The following ANK2 variants were observed in gnomAD, a reference collection of about 807,000 sequenced individuals.
ANK2 encodes the protein ankyrin-2.
In ANK2, 83 loss-of-function variants were observed where a neutral mutation model predicts 360.5. The observed-to-expected ratio is 0.23, with a 90% CI of 0.19 to 0.28. The LOEUF is 0.28. ANK2 is among the 10% of genes least tolerant of loss of function. ANK2 has a pLI of 1.00. For synonymous variants in ANK2, 1,740 were observed against 1,759.5 expected, an observed-to-expected ratio of 0.99 and a Z score of 0.28; for missense variants, 4,201 against 4,795.7, an observed-to-expected ratio of 0.88 and a Z score of 3.66.
rs192804921 is a variant in ANK2, at chr4:113,014,892, T to G, written c.21+110378T>G. Among the ~76,000 whole-genome samples, 1,334 of 136,456 alleles carry G rather than the reference T, an allele frequency of 9.8e-3. 12 individuals are homozygous for G. The highest frequency in any genetic ancestry group is 0.016 in the Non-Finnish European group (1,022 of 65,594). 89.5% of individuals were successfully genotyped at this position (136,456 alleles called of 152,430 possible). ...TTTTTTTTTTGAGACGGAGTCTCGC[T>G]CTGTCACCCAGGCTGGAGTGCAGTG... On this transcript the variant is annotated intron_variant, in intron 2 of 30. Coordinates refer to the ANK2 transcript ENST00000503271.
intron 1 of ANK2, among the ~76,000 whole-genome samples, chr4:113,097,674 T>A (rs577654848): frequency 6.6e-6 from 1 of 152,028 alleles, no homozygotes; most frequent in East Asian, 1.9e-4. Flanking sequence ...TTAGACATAA[T>A]CAAGAGAAAT....
At chr4:113,047,270 T>A (rs760471081), upstream of ANK2, among the ~76,000 whole-genome samples, 6 of 152,230 alleles carry the variant, frequency 3.9e-5, no homozygotes, top group Non-Finnish European at 8.8e-5. Context: ...GTAACATGTG[T>A]CTCTCATCAC....
intron 1 of ANK2, among the ~76,000 whole-genome samples, chr4:112,829,168 TG>T (rs1451990837): frequency 2.0e-5 from 3 of 151,954 alleles, no homozygotes; most frequent in Non-Finnish European, 4.4e-5. Flanking sequence ...TATAAATGAA[TG>T]AGTGAATGAA....
chr4:113,005,513 A>C (rs1223928403), intron 2 of ANK2, among the ~76,000 whole-genome samples: 21 of 152,170 alleles, frequency 1.4e-4, no homozygotes, highest in Admixed American at 1.4e-3. Flanking sequence ...GTCCTCACTC[A>C]TATGTACGAG....
intron 30 of ANK2, 121 bp downstream of exon 30, chr4:113,336,178 T>C (rs1189470795): frequency 1.9e-5 from 20 of 1,049,730 alleles, no homozygotes; most frequent in East Asian, 2.6e-5. Flanking sequence ...GTAGCATTAA[T>C]GGTAAAGCTA....
At chr4:113,331,823 C>G in intron 27 of ANK2, 149 bp from the exon 28 acceptor site, 1 of 798,400 alleles carries the variant, frequency 1.3e-6, no homozygotes, top group African/African-American at 1.7e-5. Context: ...GTTCCTTGCT[C>G]TTTGTGACCA....
intron 1 of ANK2, among the ~76,000 whole-genome samples, chr4:113,069,300 C>G (rs2076717727): frequency 1.3e-5 from 2 of 152,114 alleles, no homozygotes; most frequent in Admixed American, 1.3e-4. Flanking sequence ...GCTTTGCCAC[C>G]TGGAGAGTAG....
At chr4:112,880,915 C>T (rs963646180) in intron 1 of ANK2, 5 of 152,116 alleles carry the variant, frequency 3.3e-5, no homozygotes, top group African/African-American at 9.7e-5. Flanking sequence ...CCCTCAATTG[C>T]TTGTTTCTTG....
chr4:113,141,429 A>C (rs1026690009), intron 1 of ANK2: 2 of 152,208 alleles, frequency 1.3e-5, no homozygotes, highest in African/African-American at 4.8e-5. Context: ...TGTGTGTTCA[A>C]ATGTTACATA....
At chr4:113,287,763 C>G in intron 19 of ANK2, 60 bp downstream of exon 19, 1 of 1,421,982 alleles carries the variant, frequency 7.0e-7, no homozygotes, top group Non-Finnish European at 9.9e-7. Flanking sequence ...CCCAGTAGCC[C>G]CCATTCGGGT....
chr4:113,271,690 C>T (rs1388647209), intron 14 of ANK2, among the ~76,000 whole-genome samples: 2 of 152,170 alleles, frequency 1.3e-5, no homozygotes, highest in African/African-American at 2.4e-5. Flanking sequence ...TATGTTTTGC[C>T]TATTCACAAT....
rs149931882 is a variant in ANK2, at chr4:112,899,977, T to G, written c.-39-4478T>G. Among the ~76,000 whole-genome samples, 14 of 152,314 alleles carry G rather than the reference T, an allele frequency of 9.2e-5. No individual in the cohort carries two copies. In the East Asian group the frequency reaches 2.3e-3, roughly 25 times the overall value. Reference sequence around the variant, plus strand: ...CTCCATATAGACCAAAATTTTGGTGTTGTTTTTGTATTACTGGCCACATTT... The same window carrying G: ...CTCCATATAGACCAAAATTTTGGTGGTGTTTTTGTATTACTGGCCACATTT... On this transcript the variant is annotated intron_variant, in intron 1 of 30. Transcript: ENST00000503271.
At chr4:112,811,712 T>C in the ANK2 span, among the ~76,000 whole-genome samples, 18 of 152,322 alleles carry the variant, frequency 1.2e-4, no homozygotes, top group South Asian at 3.7e-3. Context: ...TGGTGATTTT[T>C]CCAATTGTTA....
At chr4:112,997,388 T>C (rs6818050) in intron 2 of ANK2, among the ~76,000 whole-genome samples, 50,874 of 151,918 alleles carry the variant, frequency 0.33, 8,953 homozygotes, top group African/African-American at 0.45. Context: ...GTGATCCCTC[T>C]TATTTATATT....
intron 2 of ANK2, among the ~76,000 whole-genome samples, chr4:113,180,653 G>T (rs770294844): frequency 6.6e-6 from 1 of 152,054 alleles, no homozygotes; most frequent in African/African-American, 2.4e-5. Flanking sequence ...GGGTTCATCT[G>T]GTTTAGACTT....
chr4:112,706,016 G>GA, the ANK2 span, among the ~76,000 whole-genome samples: 1 of 151,360 alleles, frequency 6.6e-6, no homozygotes, highest in Non-Finnish European at 1.5e-5. Flanking sequence ...AGGAGCCGGG[G>GA]CGGGTCCGCG....
At chr4:113,146,542 G>A (rs2096843441) in intron 1 of ANK2, among the ~76,000 whole-genome samples, 1 of 151,842 alleles carries the variant, frequency 6.6e-6, no homozygotes, top group South Asian at 2.1e-4. Flanking sequence ...TTGTAAAAAG[G>A]CTTAAACGTT....
chr4:113,079,563 C>T (rs1241240009), intron 1 of ANK2, among the ~76,000 whole-genome samples: 1 of 152,178 alleles, frequency 6.6e-6, no homozygotes, highest in Non-Finnish European at 1.5e-5. Flanking sequence ...TTTCTTACTG[C>T]TCGTCACACT....
At chr4:113,002,455 C>T (rs10007377) in intron 2 of ANK2, among the ~76,000 whole-genome samples, 83,676 of 151,642 alleles carry the variant, frequency 0.55, 25,133 homozygotes, top group Non-Finnish European at 0.69. Flanking sequence ...AGTAAACTAT[C>T]GCAAGAACAA....
Sources: allele counts gnomAD v4.1 joint callset (sites outside exome capture counted in the v4.1 genomes callset), GRCh38; gene constraint gnomAD v4.1.1; transcripts MANE v1.5; gene names NCBI Gene and HGNC (gene_info 2026-07-23, HGNC 2026-07-21).